Variants in ERBB4 observed in about 807,000 individuals in gnomAD.
ERBB4 encodes erb-b2 receptor tyrosine kinase 4.
ERBB4 carries 42 observed loss-of-function variants against 158.0 expected under a neutral mutation model. That is an observed-to-expected ratio of 0.27 (90% CI 0.21 to 0.34). ERBB4 has a LOEUF of 0.34. ERBB4 is among the 10% of genes least tolerant of loss of function. ERBB4 has a pLI of 1.00. For synonymous variants in ERBB4, 583 were observed against 558.7 expected, an observed-to-expected ratio of 1.04 and a Z score of -0.61; for missense variants, 1,333 against 1,624.1, an observed-to-expected ratio of 0.82 and a Z score of 3.08.
intron 1 of ERBB4, among the ~76,000 whole-genome samples, chr2:212,277,595 C>G (rs1402545023): frequency 6.6e-6 from 1 of 151,712 alleles, no homozygotes; most frequent in African/African-American, 2.4e-5. Flanking sequence ...GCTCATACTA[C>G]AGAGAGTCTC....
intron 1 of ERBB4, among the ~76,000 whole-genome samples, chr2:212,385,698 T>A (rs1237773625): frequency 6.6e-6 from 1 of 151,848 alleles, no homozygotes; most frequent in Non-Finnish European, 1.5e-5. Flanking sequence ...GGGTCTTTTT[T>A]GTTTTGTTTT....
intron 20 of ERBB4, among the ~76,000 whole-genome samples, chr2:211,551,029 G>A (rs1031331317): frequency 4.6e-5 from 7 of 151,370 alleles, no homozygotes; most frequent in South Asian, 2.1e-4. Context: ...TGCAATCTGC[G>A]CCTCACCGGC....
At chr2:211,537,609 G>A (rs1244592768) in intron 20 of ERBB4, among the ~76,000 whole-genome samples, 1 of 151,908 alleles carries the variant, frequency 6.6e-6, no homozygotes, top group Non-Finnish European at 1.5e-5. Context: ...AAGAGAAGGT[G>A]GTTGAAGAAA....
chr2:212,509,109 A>C (rs1691360616), intron 1 of ERBB4, among the ~76,000 whole-genome samples: 1 of 152,034 alleles, frequency 6.6e-6, no homozygotes, highest in African/African-American at 2.4e-5. Context: ...GAAGCTGAGA[A>C]TAGCCTAAAT....
At chr2:212,479,354 G>A (rs1689568564) in intron 1 of ERBB4, among the ~76,000 whole-genome samples, 1 of 151,680 alleles carries the variant, frequency 6.6e-6, no homozygotes, top group South Asian at 2.1e-4. Flanking sequence ...CTATGACCAG[G>A]GCATCCTATA....
intron 3 of ERBB4, among the ~76,000 whole-genome samples, chr2:211,804,650 A>C (rs2105898796): frequency 6.6e-6 from 1 of 152,266 alleles, no homozygotes; most frequent in Non-Finnish European, 1.5e-5. Context: ...AATGCTCTAT[A>C]AACACGCCAG....
chr2:212,269,822 AC>A (rs1351546641), intron 1 of ERBB4, among the ~76,000 whole-genome samples: 1 of 151,642 alleles, frequency 6.6e-6, no homozygotes, highest in Non-Finnish European at 1.5e-5. Context: ...TTGATACTCT[AC>A]TCTTTGCCTT....
intron 20 of ERBB4, among the ~76,000 whole-genome samples, chr2:211,559,408 T>C (rs1186205213): frequency 6.6e-6 from 1 of 152,238 alleles, no homozygotes; most frequent in Non-Finnish European, 1.5e-5. Flanking sequence ...TTTCTTGCTA[T>C]ACTGGGTAAC....
In ERBB4 at chr2:211,939,957, G is replaced by GA. The variant is rs60601231; in HGVS notation, c.421+7472dup. The stretch of plus-strand genomic sequence containing the variant: ...GCAAGACTCCGTCTCAAAAAAAAAG[G>GA]AAAAAAAAAATATATATATATATGT... On this transcript the variant is annotated intron_variant, in intron 3 of 27. Coordinates refer to ENST00000342788, the MANE Select transcript of ERBB4 (RefSeq NM_005235.3). 3.3e-4 allele frequency among the ~76,000 whole-genome samples: 46 copies of GA among 138,456 alleles called. 1 individual carries two copies. The highest frequency in any genetic ancestry group is 1.3e-3 in the Admixed American group (17 of 13,588). The allele number at this position is 138,456 out of a possible 152,430, so 90.8% of individuals were successfully genotyped here.
intron 4 of ERBB4, among the ~76,000 whole-genome samples, chr2:211,764,269 G>T: frequency 6.6e-6 from 1 of 152,106 alleles, no homozygotes; most frequent in East Asian, 1.9e-4. Context: ...ATAGAAAAAA[G>T]ATAAATGATT....
intron 1 of ERBB4, among the ~76,000 whole-genome samples, chr2:212,145,727 T>TAAAAAAAAAA (rs5838300): frequency 1.1e-5 from 1 of 88,882 alleles, no homozygotes; most frequent in African/African-American, 3.6e-5. Flanking sequence ...CAGCATGCAG[T>TAAAAAAAAAA]AAAAAAAAAA....
chr2:211,480,073 T>C (rs1213035802), intron 20 of ERBB4, among the ~76,000 whole-genome samples: 2 of 152,192 alleles, frequency 1.3e-5, no homozygotes, highest in Non-Finnish European at 1.5e-5. Context: ...AAATCTGATC[T>C]ATCTGCCACC....
intron 1 of ERBB4, among the ~76,000 whole-genome samples, chr2:212,523,010 G>A (rs1313510819): frequency 6.6e-6 from 1 of 151,654 alleles, no homozygotes; most frequent in East Asian, 1.9e-4. Context: ...TTCATACAGG[G>A]GAACCAAAAA....
At chr2:211,389,226 G>A (rs181715407) in intron 25 of ERBB4, among the ~76,000 whole-genome samples, 23 of 152,146 alleles carry the variant, frequency 1.5e-4, no homozygotes, top group Middle Eastern at 3.4e-3. Context: ...TAGTAGAGAC[G>A]GGGTTTCACC....
At chr2:212,403,434 T>A (rs922634584) in intron 1 of ERBB4, among the ~76,000 whole-genome samples, 1 of 152,092 alleles carries the variant, frequency 6.6e-6, no homozygotes, top group African/African-American at 2.4e-5. Flanking sequence ...CTCAGAGAGA[T>A]ATTTGTACTC....
intron 1 of ERBB4, among the ~76,000 whole-genome samples, chr2:212,307,241 T>C (rs1334316991): frequency 6.6e-6 from 1 of 151,102 alleles, no homozygotes; most frequent in Admixed American, 6.6e-5. Flanking sequence ...CTAAAAGCTA[T>C]CATTCTCATA....
At position 212,363,601 on chromosome 2, in the gene ERBB4, T is replaced by C. The variant is rs181311254; in HGVS notation, c.82+174848A>G. 1.4e-3 allele frequency among the ~76,000 whole-genome samples: 205 copies of C among 151,514 alleles called. 1 individual carries two copies. The highest frequency in any genetic ancestry group is 0.01 in the Middle Eastern group (3 of 294). ...CTATGAAAAAGACAAATGAAAATAATTTACATTTGACAGCAAATACACCTA... is the reference window on the plus strand; with the variant it reads ...CTATGAAAAAGACAAATGAAAATAACTTACATTTGACAGCAAATACACCTA... On this transcript the variant is annotated intron_variant, in intron 1 of 27. Transcript: ENST00000342788.
intron 1 of ERBB4, among the ~76,000 whole-genome samples, chr2:212,448,761 T>A (rs1215770702): frequency 6.6e-6 from 1 of 152,112 alleles, no homozygotes; most frequent in Non-Finnish European, 1.5e-5. Flanking sequence ...AAAACTTACA[T>A]GATACTAGTA....
At chr2:211,553,969 G>A in intron 20 of ERBB4, among the ~76,000 whole-genome samples, 1 of 152,202 alleles carries the variant, frequency 6.6e-6, no homozygotes. Flanking sequence ...TCCTGAAAAT[G>A]CGGCATAGAT....
Sources: gnomAD v4.1 joint callset for allele counts (sites outside exome capture counted in the v4.1 genomes callset) on GRCh38, gnomAD v4.1.1 for gene constraint, MANE v1.5 for transcripts, NCBI Gene and HGNC (gene_info 2026-07-23, HGNC 2026-07-21) for gene names.